Variants in ARHGAP20 observed in about 807,000 individuals in gnomAD.
The protein encoded by ARHGAP20 is Rho GTPase activating protein 20, also known as rho GTPase-activating protein 20.
ARHGAP20 carries 34 observed loss-of-function variants against 73.7 expected under a neutral mutation model. The observed-to-expected ratio is 0.46, with a 90% CI of 0.35 to 0.61. The LOEUF (loss-of-function observed/expected upper bound fraction) is 0.61, where lower values mean the gene tolerates loss of function less well. Ranked by LOEUF, ARHGAP20 falls within the 20% of genes least tolerant of loss-of-function variation. The pLI is 0.00. For synonymous variants in ARHGAP20, 523 were observed against 518.2 expected (o/e 1.01, Z -0.13); for missense variants, 1,314 against 1,420.9 (o/e 0.92, Z 1.21).
chr11:110,640,609 C>T (rs999381510), intron 2 of ARHGAP20, among the ~76,000 whole-genome samples: 7 of 151,882 alleles, frequency 4.6e-5, no homozygotes, highest in African/African-American at 1.7e-4. Context: ...AATTATCTGT[C>T]TTAATGAGAT....
At chr11:110,648,207 G>T (rs1385352815) in intron 2 of ARHGAP20, among the ~76,000 whole-genome samples, 1 of 62,864 alleles carries the variant, frequency 1.6e-5, no homozygotes, top group Non-Finnish European at 2.8e-5. Flanking sequence ...ATATATATAT[G>T]TAAATATATA....
Position 110,580,363 on chromosome 11 carries a change from CCT to C in ARHGAP20, c.2581_2582del (p.Arg861GlyfsTer9), listed in dbSNP as rs1441869054. 2 of 1,614,070 alleles carry C rather than the reference CCT, an allele frequency of 1.2e-6. No individual in the cohort carries two copies. The highest frequency in any genetic ancestry group is 1.3e-5 in the African/African-American group (1 of 74,924). ...EDQNRKLTYLRGIYSKKQHKT... is the reference protein window; with the variant it reads ...EDQNRKLTYLXGIYSKKQHKT... Reference sequence around the variant, plus strand: ...TATGTTGTTTCTTTGAATAAATTCCCCTGAGATAGGTCAGCTTGCGGTTCTGG... The same window carrying C: ...TATGTTGTTTCTTTGAATAAATTCCCGAGATAGGTCAGCTTGCGGTTCTGG... On this transcript the variant is annotated frameshift_variant, in exon 15 of 15. Transcript: ENST00000683387. LOFTEE classifies it low-confidence loss of function (END_TRUNC).
chr11:110,585,095 AT>A lies in ARHGAP20; in HGVS notation c.1415+1120del, dbSNP rs566071383. Among the ~76,000 whole-genome samples the A allele has an allele frequency of 4.4e-3, 660 of 149,532 alleles. 6 individuals carry two copies. The highest frequency in any genetic ancestry group is 0.015 in the African/African-American group (618 of 40,996). On this transcript the variant is annotated intron_variant, in intron 12 of 14. Transcript: ENST00000683387. ...TATATGAATACATGAATATATGTGA[AT>A]ATATGAATATATGTGAATATATATG... is the stretch of plus-strand genomic sequence containing the variant.
chr11:110,618,749 C>T (rs1334291053), intron 4 of ARHGAP20, among the ~76,000 whole-genome samples: 16 of 113,710 alleles, frequency 1.4e-4, no homozygotes, highest in Middle Eastern at 0.012. Context: ...AGAGTATATG[C>T]AGTGATAGCA....
rs1212828699 is a variant in ARHGAP20, at chr11:110,578,821, G to A, written c.*549C>T. 1.4e-5 allele frequency: 14 copies of A among 985,776 alleles called. No individual in the cohort carries two copies. In the East Asian group the frequency reaches 1.1e-3, roughly 80 times the overall value. 61.1% of individuals were successfully genotyped at this position (985,776 alleles called of 1,614,324 possible). On this transcript the variant is annotated 3_prime_UTR_variant, in exon 15 of 15. Coordinates refer to ENST00000683387, the MANE Select transcript of ARHGAP20 (RefSeq NM_001384657.1). ...TCTTGGAATGATTCTGTAAGGACAC[G>A]TGATTAGTAAGATCCCACAAAAATG...
At chr11:110,595,398 G>C (rs1018875420) in intron 9 of ARHGAP20, among the ~76,000 whole-genome samples, 1 of 152,128 alleles carries the variant, frequency 6.6e-6, no homozygotes, top group Non-Finnish European at 1.5e-5. Context: ...AAAACCCCAT[G>C]GTCTCAGCCC....
chr11:110,592,164 G>T lies in ARHGAP20; in HGVS notation c.965-9C>A, dbSNP rs767575077. 5.0e-6 allele frequency: 8 copies of T among 1,602,398 alleles called. No homozygotes were observed. Among genetic ancestry groups the T allele is most frequent in the Non-Finnish European group, 6.8e-6 (8 of 1,172,648 alleles). On this transcript the variant is annotated splice_polypyrimidine_tract_variant and intron_variant, in intron 9 of 14. Transcript: ENST00000683387. ...TGTCTTATGACCTGAATCTAAGGAA[G>T]AAGTGAGCTTATTAGAAAAATGAGT...
intron 9 of ARHGAP20, among the ~76,000 whole-genome samples, chr11:110,593,124 A>G (rs774950320): frequency 2.0e-5 from 3 of 152,198 alleles, no homozygotes; most frequent in Non-Finnish European, 4.4e-5. Flanking sequence ...AGCATCTGGC[A>G]TAGTGCCTTC....
At chr11:110,614,128 T>C (rs1185319299) in intron 6 of ARHGAP20, among the ~76,000 whole-genome samples, 2 of 152,184 alleles carry the variant, frequency 1.3e-5, no homozygotes, top group South Asian at 2.1e-4. Context: ...GAAGAACTTT[T>C]CAAAACCACT....
chr11:110,689,791 G>A (rs1950207544), intron 2 of ARHGAP20, among the ~76,000 whole-genome samples: 2 of 152,196 alleles, frequency 1.3e-5, no homozygotes, highest in South Asian at 4.2e-4. Flanking sequence ...CTGATCAGCA[G>A]CTTCCCAGTG....
intron 1 of ARHGAP20, among the ~76,000 whole-genome samples, chr11:110,700,861 CAGTTTACTGAGAATG>C (rs1950435056): frequency 6.6e-6 from 1 of 151,146 alleles, no homozygotes; most frequent in Non-Finnish European, 1.5e-5. Context: ...GTTCTTGCAA[CAGTTTACTGAGAATG>C]ATGATTTCCA....
In ARHGAP20 at chr11:110,593,510, T is replaced by C. The variant is rs555230640; in HGVS notation, c.965-1355A>G. Among the ~76,000 whole-genome samples, 9 of 152,274 alleles carry C rather than the reference T, an allele frequency of 5.9e-5. No homozygotes were observed. The East Asian group carries it at 1.7e-3, about 29-fold the overall frequency. On this transcript the variant is annotated intron_variant, in intron 9 of 14. Transcript: ENST00000683387. ...GAAGGTAGATATAGAGGTCAAAGTG[T>C]GACACTTGGATGAAGGGAATGGCAT...
chr11:110,612,577 C>T (rs1019303952), intron 6 of ARHGAP20, among the ~76,000 whole-genome samples: 75 of 152,080 alleles, frequency 4.9e-4, no homozygotes, highest in Non-Finnish European at 1.0e-4. Flanking sequence ...AGGTTTTACA[C>T]ATGAGAATTA....
intron 1 of ARHGAP20, 101 bp from the exon 2 acceptor site, chr11:110,690,730 CTT>C (rs1950226938): frequency 8.7e-7 from 1 of 1,149,808 alleles, no homozygotes; most frequent in Non-Finnish European, 1.3e-6. Flanking sequence ...CATTGCCTAT[CTT>C]TGTCTGTCAA....
Position 110,581,194 on chromosome 11 carries a change from G to T in ARHGAP20, c.1752C>A (p.Ser584=). The T allele has an allele frequency of 6.2e-7, 1 of 1,612,566 alleles. No homozygotes were observed. Among genetic ancestry groups the T allele is most frequent in the Non-Finnish European group, 8.5e-7 (1 of 1,179,194 alleles). Reference sequence around the variant, plus strand: ...TTAGCTCATTTTCCAAGCTGTCATAGGAGGAGTCATTCAGTTGAAAGCAAG... The same window carrying T: ...TTAGCTCATTTTCCAAGCTGTCATATGAGGAGTCATTCAGTTGAAAGCAAG... ...DISCFQLNDS[S]YDSLENELNE... The change falls in exon 15 of 15, where the codon TCC becomes TCA. Residue 584 remains serine (S), a synonymous_variant. Transcript: ENST00000683387.
intron 2 of ARHGAP20, among the ~76,000 whole-genome samples, chr11:110,649,201 C>CTTTTTT (rs869156175): frequency 8.0e-5 from 7 of 87,078 alleles, no homozygotes; most frequent in Admixed American, 2.6e-4. Flanking sequence ...ATTATTAAAC[C>CTTTTTT]TTTTTTTTTT....
At chr11:110,596,709 C>G (rs1947971867) in intron 9 of ARHGAP20, among the ~76,000 whole-genome samples, 2 of 152,108 alleles carry the variant, frequency 1.3e-5, no homozygotes, top group Non-Finnish European at 2.9e-5. Flanking sequence ...TAAACTAGTT[C>G]AACCATTGTG....
At chr11:110,600,902 A>G (rs1005237873) in intron 9 of ARHGAP20, among the ~76,000 whole-genome samples, 1 of 152,164 alleles carries the variant, frequency 6.6e-6, no homozygotes, top group Non-Finnish European at 1.5e-5. Context: ...GTGTAAGGCT[A>G]TTTACTAGGA....
At position 110,577,484 on chromosome 11, in the gene ARHGAP20, A is replaced by G; in HGVS notation, c.*1886T>C. 6 of 1,018,270 alleles carry G rather than the reference A, an allele frequency of 5.9e-6. No homozygotes were observed. The highest frequency in any genetic ancestry group is 7.0e-6 in the Non-Finnish European group (6 of 851,618). The allele number at this position is 1,018,270 out of a possible 1,614,324, so 63.1% of individuals were successfully genotyped here. ...ACCTGCTAACATGAAAAAAAAAAAA[A>G]AGGCAATTTCTTCCAGAAAGACACT... On this transcript the variant is annotated 3_prime_UTR_variant, in exon 15 of 15. Coordinates refer to ENST00000683387, the MANE Select transcript of ARHGAP20 (RefSeq NM_001384657.1).
Sources: gnomAD v4.1 joint callset for allele counts (sites outside exome capture counted in the v4.1 genomes callset) on GRCh38, gnomAD v4.1.1 for gene constraint, MANE v1.5 for transcripts, NCBI Gene and HGNC (gene_info 2026-07-23, HGNC 2026-07-21) for gene names.